SMYD3: variants seen among roughly 807,000 people sequenced by gnomAD.
SMYD3 encodes the protein SET and MYND domain containing 3, also known as histone-lysine N-methyltransferase SMYD3.
In SMYD3, 36 loss-of-function variants were observed where a neutral mutation model predicts 57.7. That is an observed-to-expected ratio of 0.62 (90% CI 0.48 to 0.82). SMYD3 has a LOEUF of 0.82. Among genes scored for constraint, SMYD3 ranks in the 40% least tolerant of loss-of-function variants. SMYD3 has a pLI of 0.00. For synonymous variants in SMYD3, 211 were observed against 195.0 expected, an observed-to-expected ratio of 1.08 and a Z score of -0.68; for missense variants, 515 against 538.8, an observed-to-expected ratio of 0.96 and a Z score of 0.44.
intron 5 of SMYD3, among the ~76,000 whole-genome samples, chr1:246,038,112 GAA>G (rs1329814517): frequency 6.6e-6 from 1 of 152,208 alleles, no homozygotes; most frequent in Non-Finnish European, 1.5e-5. Flanking sequence ...CAGCATTAGG[GAA>G]ATTATCTTTT....
chr1:245,952,362 A>G (rs1421957014), intron 5 of SMYD3, among the ~76,000 whole-genome samples: 1 of 152,226 alleles, frequency 6.6e-6, no homozygotes, highest in Non-Finnish European at 1.5e-5. Flanking sequence ...ATGACAAAAA[A>G]GTTACAAAGA....
At chr1:246,015,854 C>A (rs2059367600) in intron 5 of SMYD3, among the ~76,000 whole-genome samples, 1 of 152,144 alleles carries the variant, frequency 6.6e-6, no homozygotes, top group Non-Finnish European at 1.5e-5. Flanking sequence ...GTTGCTCTCA[C>A]CAAATGTGTA....
intron 1 of SMYD3, among the ~76,000 whole-genome samples, chr1:246,451,803 T>C (rs920209243): frequency 1.3e-5 from 2 of 152,270 alleles, no homozygotes; most frequent in African/African-American, 4.8e-5. Context: ...CTCTAAAAAG[T>C]AGTTTTTTTT....
At position 245,824,856 on chromosome 1, in the gene SMYD3, C is replaced by CAA. The variant is rs34891255; in HGVS notation, c.1076+33638_1076+33639dup. ...GGGCAACAAGAACGAAACTCCGTCT[C>CAA]AAAAAAAAAAAAACAAAAAAAAAAA... On this transcript the variant is annotated intron_variant, in intron 10 of 11. Coordinates refer to ENST00000490107, the MANE Select transcript of SMYD3 (RefSeq NM_001167740.2). Among the ~76,000 whole-genome samples the CAA allele has an allele frequency of 2.0e-3, 235 of 118,954 alleles. 5 individuals carry two copies. Among genetic ancestry groups the CAA allele is most frequent in the South Asian group, 6.7e-3 (23 of 3,412 alleles). The allele number at this position is 118,954 out of a possible 152,430, so 78.0% of individuals were successfully genotyped here. A position where few individuals can be genotyped will look rare whatever the true frequency, so the allele number is the denominator to read the frequency against.
At chr1:245,986,129 T>C (rs866849945) in intron 5 of SMYD3, among the ~76,000 whole-genome samples, 1 of 152,222 alleles carries the variant, frequency 6.6e-6, no homozygotes, top group South Asian at 2.1e-4. Flanking sequence ...TCCTACAGAA[T>C]TTTAGATAAC....
intron 5 of SMYD3, among the ~76,000 whole-genome samples, chr1:246,280,216 C>T (rs2064414425): frequency 6.6e-6 from 1 of 152,132 alleles, no homozygotes; most frequent in Non-Finnish European, 1.5e-5. Flanking sequence ...CATATGCAAG[C>T]TATAACTAAA....
chr1:245,997,797 G>A (rs1219229986), intron 5 of SMYD3, among the ~76,000 whole-genome samples: 1 of 152,200 alleles, frequency 6.6e-6, no homozygotes, highest in Non-Finnish European at 1.5e-5. Context: ...ACAAAGGCAG[G>A]ATGTGAGGAT....
At position 246,039,564 on chromosome 1, in the gene SMYD3, A is replaced by T. The variant is rs546012823; in HGVS notation, c.532-109627T>A. Among the ~76,000 whole-genome samples the T allele has an allele frequency of 2.6e-5, 4 of 152,344 alleles. No individual in the cohort carries two copies. The South Asian group carries it at 8.3e-4, about 32-fold the overall frequency. On this transcript the variant is annotated intron_variant, in intron 5 of 11. Transcript: ENST00000490107. ...GCTGTATCCCTCAAACTGATACTAC[A>T]AACTGAGATTTCATGTCTCCATTTA...
Position 245,863,856 on chromosome 1 carries a change from C to A in SMYD3, c.844G>T (p.Val282Leu). The A allele has an allele frequency of 6.2e-7, 1 of 1,614,202 alleles. No individual in the cohort carries two copies. Among genetic ancestry groups the A allele is most frequent in the Non-Finnish European group, 8.5e-7 (1 of 1,180,006 alleles). Reference protein sequence around the residue: ...DADMLTGDEQVWKEVQESLKK... With the variant: ...DADMLTGDEQLWKEVQESLKK... Reference sequence around the variant, plus strand: ...AGGGATTCTTGAACTTCCTTCCATACTTGCTCATCACCAGTTAGCATATCA... The same window carrying A: ...AGGGATTCTTGAACTTCCTTCCATAATTGCTCATCACCAGTTAGCATATCA... Residue 282 changes from valine to leucine, a missense_variant, in exon 9 of 12, where the codon GTA becomes TTA. Val to Leu is a conservative substitution (Grantham distance 32). Coordinates refer to ENST00000490107, the MANE Select transcript of SMYD3 (RefSeq NM_001167740.2).
In SMYD3 at chr1:246,087,917, C is replaced by T. The variant is rs1006030329; in HGVS notation, c.532-157980G>A. On this transcript the variant is annotated intron_variant, in intron 5 of 11. Transcript: ENST00000490107. ...TAGCAAGCAAATCTTTATATGTAAA[C>T]ATAGAAAATTATTATTTTTATCTAG... 3.3e-5 allele frequency among the ~76,000 whole-genome samples: 5 copies of T among 152,138 alleles called. No homozygotes were observed. The East Asian group carries it at 5.8e-4, about 18-fold the overall frequency.
intron 5 of SMYD3, among the ~76,000 whole-genome samples, chr1:246,301,316 T>A (rs58615872): frequency 0.041 from 6,304 of 152,184 alleles, 441 homozygotes; most frequent in African/African-American, 0.15. Flanking sequence ...TCAAGAATGT[T>A]CAATTCTCGT....
intron 5 of SMYD3, 193 bp downstream of exon 5, chr1:246,327,008 C>G: frequency 1.6e-6 from 1 of 609,864 alleles, no homozygotes; most frequent in African/African-American, 1.9e-5. Flanking sequence ...ATTAATCAAA[C>G]AGAAAAATTC....
At chr1:246,190,998 C>A (rs1035263836) in intron 5 of SMYD3, among the ~76,000 whole-genome samples, 1 of 152,178 alleles carries the variant, frequency 6.6e-6, no homozygotes, top group South Asian at 2.1e-4. Context: ...TGGCTGACAC[C>A]GGGTTCAAGA....
chr1:245,973,986 T>G (rs1313156422), intron 5 of SMYD3, among the ~76,000 whole-genome samples: 1 of 151,404 alleles, frequency 6.6e-6, no homozygotes, highest in Non-Finnish European at 1.5e-5. Context: ...AACAAAATCA[T>G]CATCATTAAT....
rs1436747255 is a variant in SMYD3 at position 245,858,625 on chromosome 1, T to C, written c.947A>G (p.Asn316Ser). The C allele has an allele frequency of 5.6e-6, 9 of 1,614,250 alleles. No individual in the cohort carries two copies. The highest frequency in any genetic ancestry group is 2.2e-5 in the East Asian group (1 of 44,886). ...GTTGATATCGGGAAGCCGTTCAGAA[T>C]TGCTGCTTATGATTGCCTGGCACAT... ...LAMCQAIISS[N>S]SERLPDINIY... The change falls in exon 10 of 12, where the codon AAT (asparagine) becomes AGT (serine). Residue 316 changes from asparagine (N) to serine (S), a missense_variant. Asn to Ser is a conservative substitution (Grantham distance 46). Transcript: ENST00000490107.
chr1:246,397,371 C>A (rs759065170), intron 1 of SMYD3, among the ~76,000 whole-genome samples: 7 of 152,098 alleles, frequency 4.6e-5, no homozygotes, highest in Non-Finnish European at 7.4e-5. Context: ...GTCCCTGGTG[C>A]CAAAAAGGTT....
chr1:246,181,213 G>C (rs78252040), intron 5 of SMYD3, among the ~76,000 whole-genome samples: 3,519 of 152,252 alleles, frequency 0.023, 207 homozygotes, highest in East Asian at 0.22. Context: ...GTCTCGCCTA[G>C]AGTATATTTT....
chr1:245,852,333 C>T (rs1468733510), intron 10 of SMYD3, among the ~76,000 whole-genome samples: 3 of 152,126 alleles, frequency 2.0e-5, no homozygotes, highest in African/African-American at 7.2e-5. Context: ...CCAGTAGGTT[C>T]AGTGCTGGAA....
intron 8 of SMYD3, among the ~76,000 whole-genome samples, chr1:245,905,172 TGTGGTAGCTACAGGGCAA>T (rs1430540209): frequency 2.0e-5 from 3 of 151,596 alleles, no homozygotes; most frequent in Non-Finnish European, 4.4e-5. Flanking sequence ...CATAACCAGC[TGTGGTAGCTACAGGGCAA>T]AACTCCTTCT....
Sources: allele counts gnomAD v4.1 joint callset (sites outside exome capture counted in the v4.1 genomes callset), GRCh38; gene constraint gnomAD v4.1.1; transcripts MANE v1.5; gene names NCBI Gene and HGNC (gene_info 2026-07-23, HGNC 2026-07-21).